Variants in PGM5 observed in about 807,000 individuals in gnomAD.
The protein encoded by PGM5 is phosphoglucomutase-like protein 5.
A neutral mutation model predicts 59.2 loss-of-function variants in PGM5; 23 were observed. That is an observed-to-expected ratio of 0.39 (90% confidence interval 0.28 to 0.55). The LOEUF (loss-of-function observed/expected upper bound fraction) is 0.55. PGM5 is among the 20% of genes least tolerant of loss of function. PGM5 has a pLI of 0.66. For synonymous variants in PGM5, 214 were observed against 286.0 expected (o/e 0.75, Z 2.54); for missense variants, 574 against 748.3 (o/e 0.77, Z 2.72).
intron 2 of PGM5, among the ~76,000 whole-genome samples, chr9:68,380,546 A>G (rs1234148006): frequency 1.3e-5 from 2 of 151,968 alleles, no homozygotes; most frequent in African/African-American, 4.8e-5. Context: ...AGCTAAAGAA[A>G]GAACAAACTA....
chr9:68,423,568 A>C (rs1554682499), intron 6 of PGM5, among the ~76,000 whole-genome samples: 1 of 151,902 alleles, frequency 6.6e-6, no homozygotes, highest in African/African-American at 2.4e-5. Flanking sequence ...ATTAGGTTCA[A>C]TCAGGTTGTT....
intron 9 of PGM5, among the ~76,000 whole-genome samples, chr9:68,487,499 A>ACACACAC (rs1554687623): frequency 2.9e-5 from 3 of 105,078 alleles, no homozygotes; most frequent in Non-Finnish European, 6.0e-5. Flanking sequence ...CACACACACA[A>ACACACAC]ATCAGGTGTA....
intron 10 of PGM5, among the ~76,000 whole-genome samples, chr9:68,526,674 C>T (rs1824980287): frequency 1.3e-5 from 2 of 152,148 alleles, no homozygotes; most frequent in African/African-American, 4.8e-5. Flanking sequence ...CTTTATATTA[C>T]AGCGGGAACT....
chr9:68,410,874 G>A (rs541474848), intron 6 of PGM5, among the ~76,000 whole-genome samples: 2 of 152,338 alleles, frequency 1.3e-5, no homozygotes, highest in South Asian at 2.1e-4. Context: ...TCTAGAAAGG[G>A]CAGCAGCAGA....
At chr9:68,510,256 C>A (rs928265768) in intron 10 of PGM5, among the ~76,000 whole-genome samples, 2 of 149,448 alleles carry the variant, frequency 1.3e-5, no homozygotes, top group African/African-American at 4.9e-5. Context: ...GGTTCACGCC[C>A]TTCTCCTGCC....
intron 6 of PGM5, among the ~76,000 whole-genome samples, chr9:68,393,691 G>A (rs1340068912): frequency 3.4e-4 from 51 of 152,232 alleles, no homozygotes; most frequent in Non-Finnish European, 5.3e-4. Context: ...GCAAACAAAA[G>A]TGTAGAATGG....
intron 10 of PGM5, among the ~76,000 whole-genome samples, chr9:68,526,076 G>GA (rs1042974343): frequency 1.4e-5 from 2 of 147,908 alleles, no homozygotes; most frequent in African/African-American, 5.3e-5. Context: ...AAGAAAGAAA[G>GA]AAAAAAAAGG....
intron 1 of PGM5, among the ~76,000 whole-genome samples, chr9:68,359,004 G>A (rs1293355904): frequency 1.3e-5 from 2 of 152,056 alleles, no homozygotes; most frequent in Admixed American, 6.6e-5. Flanking sequence ...ACGAGCCTTG[G>A]GAGAGCTATG....
chr9:68,475,873 T>C (rs1824094482), intron 7 of PGM5, among the ~76,000 whole-genome samples: 1 of 152,170 alleles, frequency 6.6e-6, no homozygotes, highest in East Asian at 1.9e-4. Flanking sequence ...ATAAATAAAT[T>C]AGCCAGGCAT....
chr9:68,362,872 T>C (rs1221320931), intron 1 of PGM5, among the ~76,000 whole-genome samples: 72 of 142,870 alleles, frequency 5.0e-4, no homozygotes, highest in African/African-American at 1.5e-3. Flanking sequence ...TTTCTTTTTT[T>C]TTTTTTTTTT....
At chr9:68,528,528 C>T (rs141238974) in intron 10 of PGM5, among the ~76,000 whole-genome samples, 3 of 152,330 alleles carry the variant, frequency 2.0e-5, no homozygotes, top group Non-Finnish European at 2.9e-5. Context: ...TGAGCCACCA[C>T]GCGTGGCCAA....
rs1033014819 is a variant in PGM5, at chr9:68,530,448, C to G, written c.*792C>G. ...AAATGCTTAAAATTTGGAGGGGATC[C>G]TTCCTTGATTACATCAAGTATGTTG... On this transcript the variant is annotated 3_prime_UTR_variant, in exon 11 of 11. Coordinates refer to ENST00000396396, the MANE Select transcript of PGM5 (RefSeq NM_021965.4). 18 of 152,300 alleles carry G rather than the reference C, an allele frequency of 1.2e-4. 1 individual carries two copies. Among genetic ancestry groups the G allele is most frequent in the Admixed American group, 1.1e-3 (17 of 15,296 alleles). 9.4% of individuals were successfully genotyped at this position (152,300 alleles called of 1,614,324 possible).
At chr9:68,448,238 G>A (rs1397709539) in intron 6 of PGM5, among the ~76,000 whole-genome samples, 1 of 152,132 alleles carries the variant, frequency 6.6e-6, no homozygotes, top group Non-Finnish European at 1.5e-5. Context: ...AAATGTGACA[G>A]TATGTGTCCT....
At chr9:68,462,690 C>T (rs1187594930) in intron 6 of PGM5, among the ~76,000 whole-genome samples, 4 of 152,028 alleles carry the variant, frequency 2.6e-5, no homozygotes, top group Non-Finnish European at 4.4e-5. Flanking sequence ...CCCCACACCC[C>T]GTACCCTCCC....
chr9:68,401,208 A>G (rs1822658894), intron 6 of PGM5, among the ~76,000 whole-genome samples: 1 of 152,118 alleles, frequency 6.6e-6, no homozygotes, highest in African/African-American at 2.4e-5. Flanking sequence ...TGCTGGATGC[A>G]TCATCTTTTA....
At chr9:68,367,085 A>G (rs1269345418) in intron 1 of PGM5, among the ~76,000 whole-genome samples, 4 of 151,986 alleles carry the variant, frequency 2.6e-5, no homozygotes, top group Non-Finnish European at 5.9e-5. Flanking sequence ...ACACATTTGT[A>G]TGCGTACTCA....
chr9:68,402,655 T>C (rs1225290547), intron 6 of PGM5, among the ~76,000 whole-genome samples: 2 of 152,158 alleles, frequency 1.3e-5, no homozygotes, highest in East Asian at 1.9e-4. Context: ...ATAAAAGATA[T>C]AAGGAAGGTA....
chr9:68,394,915 C>T (rs150426089), intron 6 of PGM5, among the ~76,000 whole-genome samples: 1 of 152,120 alleles, frequency 6.6e-6, no homozygotes, highest in Non-Finnish European at 1.5e-5. Flanking sequence ...AGCCACTGAA[C>T]CTGGCTACTT....
At chr9:68,403,251 C>T in intron 6 of PGM5, among the ~76,000 whole-genome samples, 1 of 152,100 alleles carries the variant, frequency 6.6e-6, no homozygotes, top group South Asian at 2.1e-4. Flanking sequence ...GAATCTAATG[C>T]CTGATGATCT....
Sources: allele counts gnomAD v4.1 joint callset (sites outside exome capture counted in the v4.1 genomes callset), GRCh38; gene constraint gnomAD v4.1.1; transcripts MANE v1.5; gene names NCBI Gene and HGNC (gene_info 2026-07-23, HGNC 2026-07-21).